Variants in FHAD1 observed in about 807,000 individuals in gnomAD.
The protein encoded by FHAD1 is forkhead-associated domain-containing protein 1.
In FHAD1, 146 loss-of-function variants were observed where a neutral mutation model predicts 191.3. The ratio of observed to expected loss-of-function variants is 0.76; its 90% confidence interval spans 0.67 to 0.88. The LOEUF (loss-of-function observed/expected upper bound fraction) is 0.88. Ranked by LOEUF, FHAD1 falls within the 40% of genes least tolerant of loss-of-function variation. The probability of loss-of-function intolerance (pLI) is 0.00; values close to 1 mark genes in which losing one functional copy is unlikely to be tolerated. For synonymous variants in FHAD1, 616 were observed against 672.3 expected (o/e 0.92, Z 1.29); for missense variants, 1,635 against 1,785.8 (o/e 0.92, Z 1.52).
intron 1 of FHAD1, 99 bp downstream of exon 1, chr1:15,247,494 G>T (rs1646219486): frequency 6.1e-6 from 1 of 164,420 alleles, no homozygotes; most frequent in African/African-American, 2.4e-5. Flanking sequence ...TGGCTCCCCG[G>T]CCCCATCCTC....
intron 3 of FHAD1, among the ~76,000 whole-genome samples, chr1:15,285,078 T>C (rs1275603710): frequency 2.0e-5 from 3 of 152,034 alleles, no homozygotes; most frequent in Admixed American, 6.6e-5. Flanking sequence ...TTCAGGAGTC[T>C]TTTTTTTATG....
At chr1:15,349,232 A>T in intron 19 of FHAD1, 83 bp downstream of exon 19, 1 of 1,083,392 alleles carries the variant, frequency 9.2e-7, no homozygotes, top group Non-Finnish European at 1.4e-6. Context: ...AATCGGGCAG[A>T]TATCAGAGCC....
At chr1:15,273,820 C>T (rs748785799) in intron 3 of FHAD1, among the ~76,000 whole-genome samples, 1 of 152,128 alleles carries the variant, frequency 6.6e-6, no homozygotes, top group Admixed American at 6.5e-5. Flanking sequence ...GCTGTCACAC[C>T]GTCGATCCAC....
intron 14 of FHAD1, among the ~76,000 whole-genome samples, chr1:15,338,499 A>G (rs1685179036): frequency 6.6e-6 from 1 of 152,200 alleles, no homozygotes; most frequent in African/African-American, 2.4e-5. Context: ...CAGATAATCC[A>G]GGATAACACC....
chr1:15,372,037 C>G (rs1046226844), intron 26 of FHAD1, among the ~76,000 whole-genome samples: 5 of 152,160 alleles, frequency 3.3e-5, no homozygotes, highest in African/African-American at 1.2e-4. Context: ...GGAGGAGAGA[C>G]ACAGAAATAA....
chr1:15,339,474 T>C lies in FHAD1; in HGVS notation c.1907-7T>C. ...ACTTACATTCTTCCTGCTTCTCTTT[T>C]TTTAAGGGTTCTCTTTGTATCTGAT... On this transcript the variant is annotated splice_region_variant and splice_polypyrimidine_tract_variant and intron_variant, in intron 14 of 33. Coordinates refer to ENST00000688493, the MANE Select transcript of FHAD1 (RefSeq NM_001391957.1). 8.0e-7 allele frequency: 1 copy of C among 1,245,486 alleles called. No individual in the cohort carries two copies. Among genetic ancestry groups the C allele is most frequent in the South Asian group, 1.3e-5 (1 of 75,310 alleles). 77.2% of individuals were successfully genotyped at this position (1,245,486 alleles called of 1,614,324 possible).
At chr1:15,302,550 C>T (rs1574136829) in intron 6 of FHAD1, among the ~76,000 whole-genome samples, 1 of 152,060 alleles carries the variant, frequency 6.6e-6, no homozygotes, top group South Asian at 2.1e-4. Flanking sequence ...ACAGTGAAAC[C>T]CCGTCTCTAC....
chr1:15,390,100 CT>C (rs1703510792), intron 32 of FHAD1, among the ~76,000 whole-genome samples: 1 of 152,096 alleles, frequency 6.6e-6, no homozygotes, highest in African/African-American at 2.4e-5. Flanking sequence ...AATTCCAGCA[CT>C]TTGGGAGGAC....
chr1:15,294,208 C>T (rs1055128745), intron 4 of FHAD1, among the ~76,000 whole-genome samples: 3 of 152,210 alleles, frequency 2.0e-5, no homozygotes, highest in Non-Finnish European at 4.4e-5. Context: ...TGAGGAAGCC[C>T]TTTCCTCTCT....
At chr1:15,350,212 A>G (rs1318389960) in intron 19 of FHAD1, among the ~76,000 whole-genome samples, 1 of 152,282 alleles carries the variant, frequency 6.6e-6, no homozygotes, top group Admixed American at 6.5e-5. Flanking sequence ...CACCGCAGTG[A>G]GCAAGACAGA....
Position 15,300,868 on chromosome 1 carries a change from T to G in FHAD1, c.679-337T>G, listed in dbSNP as rs146984584. ...TTTTTTGAGACAGTTTTGCTCTTGT[T>G]GCCCAGGCTAGAGTGCAATGGCATG... On this transcript the variant is annotated intron_variant, in intron 5 of 33. Transcript: ENST00000688493. Among the ~76,000 whole-genome samples, 148 of 152,282 alleles carry G rather than the reference T, an allele frequency of 9.7e-4. 3 individuals carry two copies. In the East Asian group the frequency reaches 0.026, roughly 27 times the overall value.
intron 27 of FHAD1, among the ~76,000 whole-genome samples, 158 bp downstream of exon 27, chr1:15,374,789 G>A (rs1238161168): frequency 6.6e-6 from 1 of 151,344 alleles, no homozygotes; most frequent in Non-Finnish European, 1.5e-5. Flanking sequence ...TGATCTCAGA[G>A]TCAAGTGCAG....
At chr1:15,290,571 G>T (rs552785218) in intron 4 of FHAD1, among the ~76,000 whole-genome samples, 29 of 152,240 alleles carry the variant, frequency 1.9e-4, no homozygotes, top group African/African-American at 6.7e-4. Context: ...AAGCTGAAGA[G>T]TAAAGGCCAT....
intron 25 of FHAD1, among the ~76,000 whole-genome samples, chr1:15,368,717 A>C (rs1401633979): frequency 6.6e-6 from 1 of 152,152 alleles, no homozygotes; most frequent in Non-Finnish European, 1.5e-5. Context: ...AGGCAGGTGA[A>C]TCACCCGAGG....
At chr1:15,334,156 A>G (rs1372472801) in intron 14 of FHAD1, 4 of 152,170 alleles carry the variant, frequency 2.6e-5, no homozygotes, top group East Asian at 3.9e-4. Flanking sequence ...ACTGAGACAC[A>G]GTAACGTTAA....
chr1:15,374,690 A>T (rs1699058060), intron 27 of FHAD1, 59 bp downstream of exon 27: 2 of 1,539,298 alleles, frequency 1.3e-6, no homozygotes, highest in Non-Finnish European at 1.8e-6. Flanking sequence ...CACTTTGGGG[A>T]CTGACCAGTT....
At chr1:15,357,949 A>G (rs1218109327) in intron 20 of FHAD1, 161 bp from the exon 21 acceptor site, 5 of 574,414 alleles carry the variant, frequency 8.7e-6, no homozygotes, top group Non-Finnish European at 1.5e-5. Flanking sequence ...TTCTATAATA[A>G]TTGGAACCTT....
intron 2 of FHAD1, among the ~76,000 whole-genome samples, chr1:15,266,483 A>G (rs1236654324): frequency 2.7e-5 from 4 of 150,338 alleles, no homozygotes; most frequent in South Asian, 2.1e-4. Context: ...ACATATAACA[A>G]CCCCTCCCCC....
At chr1:15,269,915 C>CTTTTTTTTTTTTT (rs144971337) in intron 2 of FHAD1, among the ~76,000 whole-genome samples, 2 of 123,088 alleles carry the variant, frequency 1.6e-5, no homozygotes, top group Admixed American at 9.2e-5. Flanking sequence ...TTATGGCTCT[C>CTTTTTTTTTTTTT]TTTTTTTTTT....
Sources: gnomAD v4.1 joint callset for allele counts (sites outside exome capture counted in the v4.1 genomes callset) on GRCh38, gnomAD v4.1.1 for gene constraint, MANE v1.5 for transcripts, NCBI Gene and HGNC (gene_info 2026-07-23, HGNC 2026-07-21) for gene names.